The following CPNE5 variants were observed in gnomAD, a reference collection of about 807,000 sequenced individuals.
CPNE5 encodes copine-5.
A neutral mutation model predicts 81.1 loss-of-function variants in CPNE5; 42 were observed. That is an observed-to-expected ratio of 0.52 (90% confidence interval 0.40 to 0.67). The LOEUF (loss-of-function observed/expected upper bound fraction) is 0.67, where lower values mean the gene tolerates loss of function less well. Among genes scored for constraint, CPNE5 ranks in the 30% least tolerant of loss-of-function variants. The pLI, the probability that CPNE5 is intolerant of heterozygous loss-of-function variation, is 0.00. For missense variants in CPNE5, 612 were observed against 815.5 expected (o/e 0.75, Z 3.04); for synonymous variants, 313 against 321.5 (o/e 0.97, Z 0.28).
chr6:36,798,035 C>G, intron 6 of CPNE5, 130 bp downstream of exon 6: 1 of 680,144 alleles, frequency 1.5e-6, no homozygotes, highest in South Asian at 1.8e-5. Flanking sequence ...GGCATGGGGT[C>G]TCTTTATTCC....
chr6:36,758,399 G>A (rs1325338166), intron 12 of CPNE5, among the ~76,000 whole-genome samples: 1 of 149,448 alleles, frequency 6.7e-6, no homozygotes, highest in East Asian at 1.9e-4. Context: ...CCAGGTAGCT[G>A]CCACCATGTC....
chr6:36,779,076 GC>G, intron 8 of CPNE5, 119 bp from the exon 9 acceptor site: 1 of 686,364 alleles, frequency 1.5e-6, no homozygotes, highest in Non-Finnish European at 2.6e-6. Flanking sequence ...CCGACTAAGT[GC>G]CAGGCCCTTA....
chr6:36,777,014 C>T (rs1414305765), intron 9 of CPNE5, among the ~76,000 whole-genome samples: 1 of 152,190 alleles, frequency 6.6e-6, no homozygotes, highest in African/African-American at 2.4e-5. Context: ...ACGGGATCCC[C>T]TAGAAGGGAT....
intron 11 of CPNE5, among the ~76,000 whole-genome samples, chr6:36,763,602 C>CAAAAAAAAAAAA (rs55880019): frequency 8.1e-6 from 1 of 123,148 alleles, no homozygotes. Flanking sequence ...GACTCTATCT[C>CAAAAAAAAAAAA]AAAAAAAAAA....
chr6:36,798,587 C>T (rs184098380), intron 4 of CPNE5, 93 bp from the exon 5 acceptor site: 439 of 1,084,870 alleles, frequency 4.0e-4, no homozygotes, highest in Non-Finnish European at 5.3e-4. Flanking sequence ...CCCTGTCCCC[C>T]AAAAAACAGG....
rs74971417 is a variant in CPNE5, at chr6:36,751,261, G to A, written c.971+1773C>T. 3.7e-3 allele frequency among the ~76,000 whole-genome samples: 564 copies of A among 152,322 alleles called. 2 individuals carry two copies. The highest frequency in any genetic ancestry group is 0.013 in the African/African-American group (537 of 41,550). ...GGCTCCTTTTCGATGAAACCTCACA[G>A]CATCCAGCCCTTTAACTCATCAGTC... On this transcript the variant is annotated intron_variant, in intron 14 of 20. Transcript: ENST00000244751.
At chr6:36,752,973 C>T (rs865888604) in intron 14 of CPNE5, 61 bp downstream of exon 14, 26 of 1,383,506 alleles carry the variant, frequency 1.9e-5, no homozygotes, top group South Asian at 1.4e-4. Context: ...CCGGTCCTGT[C>T]GGTGTGTGGG....
intron 3 of CPNE5, among the ~76,000 whole-genome samples, chr6:36,809,420 A>T (rs1770899369): frequency 6.6e-6 from 1 of 152,094 alleles, no homozygotes; most frequent in Non-Finnish European, 1.5e-5. Flanking sequence ...CACAAAAAAT[A>T]AGAAAATTAG....
intron 1 of CPNE5, among the ~76,000 whole-genome samples, chr6:36,830,719 G>A (rs1473560674): frequency 6.6e-6 from 1 of 152,192 alleles, no homozygotes; most frequent in Non-Finnish European, 1.5e-5. Context: ...GCCCTGACAA[G>A]GTGCTTCATC....
intron 1 of CPNE5, among the ~76,000 whole-genome samples, chr6:36,834,774 C>T (rs74382947): frequency 0.02 from 3,008 of 152,250 alleles, 80 homozygotes; most frequent in East Asian, 0.11. Flanking sequence ...CCTAGCTCCA[C>T]TGACCTGAGT....
chr6:36,806,654 CT>C (rs1770620352), intron 3 of CPNE5, among the ~76,000 whole-genome samples: 1 of 152,244 alleles, frequency 6.6e-6, no homozygotes, highest in South Asian at 2.1e-4. Context: ...GGGACCCTCA[CT>C]GATAAAATTT....
intron 10 of CPNE5, among the ~76,000 whole-genome samples, chr6:36,773,895 T>C (rs970131044): frequency 3.3e-5 from 5 of 152,124 alleles, no homozygotes; most frequent in African/African-American, 9.7e-5. Context: ...TGAAACCCCA[T>C]GTCCACCAAA....
At chr6:36,807,324 T>TA (rs1442026920) in intron 3 of CPNE5, among the ~76,000 whole-genome samples, 1 of 152,240 alleles carries the variant, frequency 6.6e-6, no homozygotes, top group Non-Finnish European at 1.5e-5. Flanking sequence ...CAAATGCCTT[T>TA]ACCTCTCTGT....
chr6:36,746,608 A>C lies in CPNE5; in HGVS notation c.1019-31T>G. ...ACACAGGACATGGGAGCCTTTGACCATCTGGACCCTCCAAGTCACCCCGGG... is the reference window on the plus strand; with the variant it reads ...ACACAGGACATGGGAGCCTTTGACCCTCTGGACCCTCCAAGTCACCCCGGG... On this transcript the variant is annotated intron_variant, in intron 15 of 20. Transcript: ENST00000244751. This position sits in a 1 kb window ranked among gnomAD's most constrained non-coding sequence, Gnocchi z 4.5. 1 of 1,585,926 alleles carries C rather than the reference A, an allele frequency of 6.3e-7. No individual in the cohort carries two copies. Among genetic ancestry groups the C allele is most frequent in the Non-Finnish European group, 8.5e-7 (1 of 1,169,854 alleles).
At chr6:36,786,043 A>G (rs975910362) in intron 8 of CPNE5, among the ~76,000 whole-genome samples, 8 of 151,998 alleles carry the variant, frequency 5.3e-5, no homozygotes, top group African/African-American at 1.7e-4. Flanking sequence ...AAATTTAAAA[A>G]GAAGGACCAC....
chr6:36,827,950 TA>T (rs1772650873), intron 1 of CPNE5, among the ~76,000 whole-genome samples: 1 of 152,060 alleles, frequency 6.6e-6, no homozygotes, highest in African/African-American at 2.4e-5. Context: ...TTTTGTTCCT[TA>T]AATCAAGGCC....
intron 14 of CPNE5, among the ~76,000 whole-genome samples, chr6:36,748,864 T>C (rs1181482581): frequency 6.6e-6 from 1 of 152,146 alleles, no homozygotes; most frequent in Non-Finnish European, 1.5e-5. Flanking sequence ...GGAAACTCTG[T>C]AGAAGCACTA....
At chr6:36,799,389 CAA>C (rs1267454588) in intron 4 of CPNE5, among the ~76,000 whole-genome samples, 5 of 152,126 alleles carry the variant, frequency 3.3e-5, no homozygotes, top group African/African-American at 9.7e-5. Flanking sequence ...TTCTGTGGGG[CAA>C]AGACTTTTCA....
At chr6:36,777,753 A>ACC (rs35760836) in intron 9 of CPNE5, among the ~76,000 whole-genome samples, 3 of 113,718 alleles carry the variant, frequency 2.6e-5, no homozygotes, top group African/African-American at 1.1e-4. Context: ...TCCCCTGCCT[A>ACC]CCCCCCCCCC....
Sources: allele counts gnomAD v4.1 joint callset (sites outside exome capture counted in the v4.1 genomes callset), GRCh38; gene constraint gnomAD v4.1.1; non-coding constraint Gnocchi (gnomAD v3.1); transcripts MANE v1.5; gene names NCBI Gene and HGNC (gene_info 2026-07-23, HGNC 2026-07-21).